The following ATP10B variants were observed in gnomAD, a reference collection of about 807,000 sequenced individuals.
ATP10B encodes the protein phospholipid-transporting ATPase VB.
In ATP10B, 122 loss-of-function variants were observed where a neutral mutation model predicts 141.2. That is an observed-to-expected ratio of 0.86 (90% confidence interval 0.75 to 1.00). The LOEUF is 1.00. Among genes scored for constraint, ATP10B ranks in the 50% least tolerant of loss-of-function variants. The probability of loss-of-function intolerance (pLI) is 0.00; values close to 1 mark genes in which losing one functional copy is unlikely to be tolerated. For synonymous variants in ATP10B, 685 were observed against 692.0 expected (o/e 0.99, Z 0.16); for missense variants, 1,876 against 1,825.3 (o/e 1.03, Z -0.51).
the ATP10B span, among the ~76,000 whole-genome samples, chr5:160,864,551 A>G: frequency 6.6e-6 from 1 of 152,014 alleles, no homozygotes; most frequent in African/African-American, 2.4e-5. Context: ...TCTATTCGAC[A>G]TAGTACTAGA....
chr5:160,569,716 G>A (rs773019012), intron 24 of ATP10B, 33 bp from the exon 25 acceptor site: 22 of 1,473,904 alleles, frequency 1.5e-5, no homozygotes, highest in Non-Finnish European at 1.7e-5. Context: ...ACTGTTGAAG[G>A]TATAGCTGAG....
At chr5:160,738,326 G>T (rs1403478537) in intron 2 of ATP10B, among the ~76,000 whole-genome samples, 4 of 151,886 alleles carry the variant, frequency 2.6e-5, no homozygotes, top group African/African-American at 7.3e-5. Flanking sequence ...AATAGAAAAA[G>T]GTGTGAAAAC....
At chr5:160,894,317 A>G in the ATP10B span, among the ~76,000 whole-genome samples, 1 of 152,076 alleles carries the variant, frequency 6.6e-6, no homozygotes, top group Non-Finnish European at 1.5e-5. Flanking sequence ...AAAATGTTAC[A>G]TGAATTGCTA....
At chr5:160,921,640 C>G in the ATP10B span, among the ~76,000 whole-genome samples, 1 of 152,168 alleles carries the variant, frequency 6.6e-6, no homozygotes, top group Non-Finnish European at 1.5e-5. Flanking sequence ...TACTCATTGT[C>G]CCATTAAAGT....
At chr5:160,669,839 T>C (rs536743708) in intron 7 of ATP10B, among the ~76,000 whole-genome samples, 1 of 145,680 alleles carries the variant, frequency 6.9e-6, no homozygotes, top group South Asian at 2.2e-4. Context: ...TGGCCTCAAG[T>C]GATCTACCTG....
chr5:160,587,733 C>G (rs1420940702), intron 24 of ATP10B, among the ~76,000 whole-genome samples: 1 of 152,160 alleles, frequency 6.6e-6, no homozygotes, highest in African/African-American at 2.4e-5. Flanking sequence ...CTCTGTTTGT[C>G]TATTGTTGGT....
At chr5:160,672,650 C>T (rs1363193) in intron 6 of ATP10B, among the ~76,000 whole-genome samples, 98,795 of 152,168 alleles carry the variant, frequency 0.65, 32,703 homozygotes, top group Middle Eastern at 0.78. Context: ...GCAGCCAGAC[C>T]GGGAGAAGCA....
At chr5:160,675,095 A>G (rs1762940525) in intron 6 of ATP10B, among the ~76,000 whole-genome samples, 1 of 152,192 alleles carries the variant, frequency 6.6e-6, no homozygotes, top group Non-Finnish European at 1.5e-5. Context: ...ATGCTCTTGC[A>G]TGGAGTGAAG....
At chr5:160,818,083 G>T (rs1773807219) in intron 1 of ATP10B, among the ~76,000 whole-genome samples, 1 of 152,076 alleles carries the variant, frequency 6.6e-6, no homozygotes, top group South Asian at 2.1e-4. Context: ...CAGGACACAG[G>T]CATGGGCAAG....
chr5:160,598,767 T>C lies in ATP10B; in HGVS notation c.3564+3A>G. On this transcript the variant is annotated splice_donor_region_variant and intron_variant, in intron 22 of 25. Transcript: ENST00000327245. ...CCTCCCTTTGGCTGCCCGATCTCCT[T>C]ACCTCAGAGTTCTGGCCACTCTTGT... 1.2e-6 allele frequency: 2 copies of C among 1,613,964 alleles called. No individual in the cohort carries two copies. Among genetic ancestry groups the C allele is most frequent in the Non-Finnish European group, 1.7e-6 (2 of 1,179,894 alleles).
intron 9 of ATP10B, among the ~76,000 whole-genome samples, chr5:160,641,875 A>C (rs952112293): frequency 6.6e-6 from 1 of 152,238 alleles, no homozygotes; most frequent in Non-Finnish European, 1.5e-5. Context: ...AGTAGGAGCA[A>C]AAAAACTCTA....
chr5:160,826,178 AATGG>A (rs1774588797), intron 1 of ATP10B, among the ~76,000 whole-genome samples: 1 of 151,964 alleles, frequency 6.6e-6, no homozygotes. Context: ...TATACTCAGT[AATGG>A]TATTCCTGAG....
the ATP10B span, among the ~76,000 whole-genome samples, chr5:160,903,980 A>T: frequency 6.6e-6 from 1 of 152,186 alleles, no homozygotes; most frequent in South Asian, 2.1e-4. Context: ...CTCACCTGAC[A>T]GTTTCTTCGC....
intron 3 of ATP10B, among the ~76,000 whole-genome samples, chr5:160,702,035 A>G (rs1006357330): frequency 6.6e-6 from 1 of 150,438 alleles, no homozygotes; most frequent in Non-Finnish European, 1.5e-5. Flanking sequence ...TGCCACTCTA[A>G]CCCCCAGTGC....
intron 1 of ATP10B, among the ~76,000 whole-genome samples, chr5:160,848,352 A>G (rs1270862556): frequency 5.9e-5 from 9 of 152,192 alleles, no homozygotes; most frequent in Non-Finnish European, 2.9e-5. Context: ...TGATGTTGGT[A>G]TCACTCCCAT....
At chr5:160,796,043 A>G (rs1250443840) in intron 1 of ATP10B, among the ~76,000 whole-genome samples, 1 of 152,180 alleles carries the variant, frequency 6.6e-6, no homozygotes. Context: ...GCCAGGCTTT[A>G]CTGTCACCAC....
chr5:160,640,403 G>T, intron 10 of ATP10B, 58 bp downstream of exon 10: 1 of 1,577,988 alleles, frequency 6.3e-7, no homozygotes, highest in South Asian at 1.1e-5. Context: ...GGAAGCTGAA[G>T]AAACTTGCCC....
chr5:160,899,657 C>T, the ATP10B span, among the ~76,000 whole-genome samples: 22,788 of 152,090 alleles, frequency 0.15, 1,996 homozygotes, highest in East Asian at 0.33. Flanking sequence ...ATGTTCATCA[C>T]AAATATTTTT....
At chr5:160,618,289 A>C (rs1265534032) in intron 15 of ATP10B, among the ~76,000 whole-genome samples, 1 of 152,234 alleles carries the variant, frequency 6.6e-6, no homozygotes, top group African/African-American at 2.4e-5. Context: ...TGGGAATTTA[A>C]TAATTGAGAT....
Sources: gnomAD v4.1 joint callset for allele counts (sites outside exome capture counted in the v4.1 genomes callset) on GRCh38, gnomAD v4.1.1 for gene constraint, MANE v1.5 for transcripts, NCBI Gene and HGNC (gene_info 2026-07-23, HGNC 2026-07-21) for gene names.